The following RBFOX1 variants were observed in gnomAD, a reference collection of about 807,000 sequenced individuals.
RBFOX1 encodes the protein RNA binding fox-1 homolog 1.
A neutral mutation model predicts 57.7 loss-of-function variants in RBFOX1; 8 were observed. That is an observed-to-expected ratio of 0.14 (90% CI 0.08 to 0.25). The LOEUF (loss-of-function observed/expected upper bound fraction) is 0.25. RBFOX1 is among the 10% of genes least tolerant of loss of function. RBFOX1 has a pLI of 1.00. For synonymous variants in RBFOX1, 326 were observed against 222.4 expected (o/e 1.47, Z -4.15); for missense variants, 611 against 548.5 (o/e 1.11, Z -1.14).
chr16:6,747,167 T>G (rs182940687), intron 3 of RBFOX1, among the ~76,000 whole-genome samples: 5 of 152,238 alleles, frequency 3.3e-5, no homozygotes, highest in Admixed American at 6.5e-5. Context: ...CCCAACACTT[T>G]GGGAGACTGA....
intron 3 of RBFOX1, among the ~76,000 whole-genome samples, chr16:6,775,496 A>G (rs2079172540): frequency 6.6e-6 from 1 of 152,180 alleles, no homozygotes; most frequent in Non-Finnish European, 1.5e-5. Context: ...TTAAAAATGA[A>G]TCAAATAAAT....
chr16:6,555,232 C>A (rs1418536359), intron 2 of RBFOX1, among the ~76,000 whole-genome samples: 2 of 152,174 alleles, frequency 1.3e-5, no homozygotes, highest in Non-Finnish European at 2.9e-5. Context: ...CAGGTAAGAT[C>A]CAAGTATACA....
chr16:5,785,578 A>G (rs2054472227), intron 3 of RBFOX1, among the ~76,000 whole-genome samples: 1 of 151,002 alleles, frequency 6.6e-6, no homozygotes, highest in African/African-American at 2.4e-5. Context: ...CCCAGACTGG[A>G]GTGCAATGGC....
At chr16:5,395,485 C>T (rs2066525419) in intron 1 of RBFOX1, among the ~76,000 whole-genome samples, 1 of 152,190 alleles carries the variant, frequency 6.6e-6, no homozygotes, top group South Asian at 2.1e-4. Flanking sequence ...CCAGGTCCTC[C>T]ACTGTGGCTT....
intron 3 of RBFOX1, among the ~76,000 whole-genome samples, chr16:6,717,267 A>G (rs1238008633): frequency 6.6e-6 from 1 of 152,174 alleles, no homozygotes; most frequent in Non-Finnish European, 1.5e-5. Context: ...TTCTGACATT[A>G]TTTGAGTGTC....
chr16:5,645,357 A>C (rs146366463), intron 3 of RBFOX1, among the ~76,000 whole-genome samples: 28 of 152,196 alleles, frequency 1.8e-4, no homozygotes, highest in African/African-American at 6.3e-4. Flanking sequence ...AAGCATCTAG[A>C]ATAGGTATAT....
At chr16:7,509,168 C>G (rs977327811) in intron 4 of RBFOX1, among the ~76,000 whole-genome samples, 3 of 152,114 alleles carry the variant, frequency 2.0e-5, no homozygotes, top group African/African-American at 7.2e-5. Context: ...AGACAAAAGT[C>G]CAAGGAAAGG....
intron 2 of RBFOX1, among the ~76,000 whole-genome samples, chr16:5,497,974 A>G (rs996113115): frequency 6.6e-6 from 1 of 152,078 alleles, no homozygotes; most frequent in Non-Finnish European, 1.5e-5. Flanking sequence ...TTTCAGGCAG[A>G]GGGAAAAAAC....
chr16:6,840,896 A>AAAAAAAAAG (rs1555518545), intron 3 of RBFOX1, among the ~76,000 whole-genome samples: 2 of 144,676 alleles, frequency 1.4e-5, no homozygotes, highest in African/African-American at 5.3e-5. Flanking sequence ...TCAAAAAAAA[A>AAAAAAAAAG]AAAAAAAACG....
chr16:5,710,293 G>A (rs2051437737), intron 3 of RBFOX1, among the ~76,000 whole-genome samples: 1 of 152,130 alleles, frequency 6.6e-6, no homozygotes, highest in African/African-American at 2.4e-5. Context: ...GCTAGAGCGA[G>A]GCTTGGCAAC....
At chr16:5,301,076 T>C (rs1450994305) in intron 1 of RBFOX1, among the ~76,000 whole-genome samples, 2 of 152,178 alleles carry the variant, frequency 1.3e-5, no homozygotes, top group Non-Finnish European at 2.9e-5. Context: ...CTAAATCTAG[T>C]GACTCACTTG....
chr16:7,036,376 A>G lies in RBFOX1; in HGVS notation c.-15-15681A>G, dbSNP rs141596738. Among the ~76,000 whole-genome samples, 426 of 152,226 alleles carry G rather than the reference A, an allele frequency of 2.8e-3. 3 individuals carry two copies. The highest frequency in any genetic ancestry group is 9.4e-3 in the African/African-American group (389 of 41,510). ...GCTGTGTTATAGGAAAGGGGTCCCA[A>G]TGCAGATCCCCAGATAGGGTTCTTG... On this transcript the variant is annotated intron_variant, in intron 3 of 15. Coordinates refer to ENST00000550418, the MANE Select transcript of RBFOX1 (RefSeq NM_018723.4).
intron 3 of RBFOX1, among the ~76,000 whole-genome samples, chr16:6,806,618 A>G (rs7196629): frequency 0.11 from 17,359 of 151,682 alleles, 1,172 homozygotes; most frequent in East Asian, 0.15. Flanking sequence ...TTGGTTTTTT[A>G]AAACATGTCT....
At chr16:6,341,189 T>G (rs2084514976) in intron 2 of RBFOX1, among the ~76,000 whole-genome samples, 1 of 152,196 alleles carries the variant, frequency 6.6e-6, no homozygotes, top group Non-Finnish European at 1.5e-5. Flanking sequence ...GGGGCAGCAT[T>G]CCTTCTGAAC....
chr16:6,983,836 C>T (rs745920303), intron 3 of RBFOX1: 1 of 152,438 alleles, frequency 6.6e-6, no homozygotes, highest in Non-Finnish European at 1.5e-5. Flanking sequence ...AGACATTAGG[C>T]TGGGAGGCCC....
At chr16:6,995,134 A>G (rs867544715) in intron 3 of RBFOX1, among the ~76,000 whole-genome samples, 13 of 152,178 alleles carry the variant, frequency 8.5e-5, no homozygotes, top group African/African-American at 3.1e-4. Flanking sequence ...CCTGTAATTT[A>G]GGCTAATATC....
intron 1 of RBFOX1, among the ~76,000 whole-genome samples, chr16:6,069,293 G>C (rs1315043492): frequency 6.6e-6 from 1 of 151,870 alleles, no homozygotes; most frequent in Non-Finnish European, 1.5e-5. Flanking sequence ...AACTACTCGG[G>C]AGGCTGAGGC....
intron 1 of RBFOX1, among the ~76,000 whole-genome samples, chr16:5,397,585 A>C (rs2066596765): frequency 6.6e-6 from 1 of 152,200 alleles, no homozygotes; most frequent in South Asian, 2.1e-4. Context: ...CTGAGAAATA[A>C]ATATAGGAGC....
At chr16:5,385,078 T>G (rs2151401241) in intron 1 of RBFOX1, among the ~76,000 whole-genome samples, 1 of 152,354 alleles carries the variant, frequency 6.6e-6, no homozygotes, top group Non-Finnish European at 1.5e-5. Flanking sequence ...TGTATTTTGG[T>G]AAATGCCGGG....
Sources: allele counts gnomAD v4.1 joint callset (sites outside exome capture counted in the v4.1 genomes callset), GRCh38; gene constraint gnomAD v4.1.1; transcripts MANE v1.5; gene names NCBI Gene and HGNC (gene_info 2026-07-23, HGNC 2026-07-21).